The following BRIP1 variants were observed in gnomAD, a reference collection of about 807,000 sequenced individuals.
BRIP1 encodes BRCA1 interacting DNA helicase 1, also known as Fanconi anemia group J protein.
A neutral mutation model predicts 119.7 loss-of-function variants in BRIP1; 88 were observed. That is an observed-to-expected ratio of 0.74 (90% confidence interval 0.62 to 0.88). The LOEUF (loss-of-function observed/expected upper bound fraction) is 0.88, where lower values mean the gene tolerates loss of function less well. BRIP1 is among the 40% of genes least tolerant of loss of function. The pLI, the probability that BRIP1 is intolerant of heterozygous loss-of-function variation, is 0.00. For synonymous variants in BRIP1, 443 were observed against 496.5 expected (o/e 0.89, Z 1.43); for missense variants, 1,259 against 1,455.4 (o/e 0.87, Z 2.20).
rs16945628 is a variant in BRIP1 at position 61,789,868 on chromosome 17, T to C, written c.1473+3729A>G. 0.6 allele frequency among the ~76,000 whole-genome samples: 90,834 copies of C among 151,518 alleles called. 28,183 individuals are homozygous for C. Among genetic ancestry groups the C allele is most frequent in the Non-Finnish European group, 0.69 (46,574 of 67,976 alleles). On this transcript the variant is annotated intron_variant, in intron 10 of 19. Coordinates refer to ENST00000259008, the MANE Select transcript of BRIP1 (RefSeq NM_032043.3). The surrounding 1 kb of genome is among the most constrained non-coding windows in gnomAD (Gnocchi z 4.8). Reference sequence around the variant, plus strand: ...TAAATCACAATGTTCACAATGTTCATCTTTGAGTTTATGAGTCATTTTTCT... The same window carrying C: ...TAAATCACAATGTTCACAATGTTCACCTTTGAGTTTATGAGTCATTTTTCT...
In BRIP1 at chr17:61,794,136, A is replaced by G. The variant is rs530286633; in HGVS notation, c.1341-407T>C. On this transcript the variant is annotated intron_variant, in intron 9 of 19. Coordinates refer to ENST00000259008, the MANE Select transcript of BRIP1 (RefSeq NM_032043.3). This position sits in a 1 kb window ranked among gnomAD's most constrained non-coding sequence, Gnocchi z 4.3. ...ACAAAAAAGAGAATTACTAGAAAAT[A>G]TATAAATACATTCATTGATATATAT... Among the ~76,000 whole-genome samples, 1 of 152,334 alleles carries G rather than the reference A, an allele frequency of 6.6e-6. No homozygotes were observed. Among genetic ancestry groups the G allele is most frequent in the East Asian group, 1.9e-4 (1 of 5,192 alleles).
rs1227548323 is a variant in BRIP1, at chr17:61,726,464, C to T, written c.2380-10401G>A. Among the ~76,000 whole-genome samples, 3 of 152,162 alleles carry T rather than the reference C, an allele frequency of 2.0e-5. No individual in the cohort carries two copies. The highest frequency in any genetic ancestry group is 7.2e-5 in the African/African-American group (3 of 41,434). On this transcript the variant is annotated intron_variant, in intron 16 of 19. Coordinates refer to ENST00000259008, the MANE Select transcript of BRIP1 (RefSeq NM_032043.3). The surrounding 1 kb of genome is among the most constrained non-coding windows in gnomAD (Gnocchi z 6.2). ...CATAAGGCTGTGGAGGCCATATAGT[C>T]ATTACCTTAGTCAGTTCACCCCAAA... is the stretch of plus-strand genomic sequence containing the variant.
Position 61,729,908 on chromosome 17 carries a change from T to C in BRIP1, c.2379+13105A>G, listed in dbSNP as rs1452192091. ...CTACCGGCATCTAGTGGGTAAATGC[T>C]AGAGATGCTGTTAAACATCCTGGAA... On this transcript the variant is annotated intron_variant, in intron 16 of 19. Transcript: ENST00000259008. The surrounding 1 kb of genome is among the most constrained non-coding windows in gnomAD (Gnocchi z 5.6). 6.6e-6 allele frequency among the ~76,000 whole-genome samples: 1 copy of C among 152,094 alleles called. No homozygotes were observed. The highest frequency in any genetic ancestry group is 1.5e-5 in the Non-Finnish European group (1 of 68,014).
chr17:61,859,975 G>A, intron 2 of BRIP1, 68 bp from the exon 3 acceptor site: 8 of 1,102,268 alleles, frequency 7.3e-6, no homozygotes, highest in Non-Finnish European at 9.6e-6. Flanking sequence ...TCCATCTGAA[G>A]TTTAAATAGA....
Position 61,687,838 on chromosome 17 carries a change from G to A in BRIP1, c.2576-1673C>T, listed in dbSNP as rs982025853. Among the ~76,000 whole-genome samples the A allele has an allele frequency of 5.3e-5, 8 of 152,166 alleles. No homozygotes were observed. Among genetic ancestry groups the A allele is most frequent in the Non-Finnish European group, 1.0e-4 (7 of 68,024 alleles). On this transcript the variant is annotated intron_variant, in intron 18 of 19. Transcript: ENST00000259008. This position sits in a 1 kb window ranked among gnomAD's most constrained non-coding sequence, Gnocchi z 5.1. ...ATATACCTGGCTGCTTCTTCCTGGG[G>A]AGAAAAGAGAAAACTGGACCTTATG...
At position 61,752,228 on chromosome 17, in the gene BRIP1, G is replaced by C. The variant is rs1163976610; in HGVS notation, c.2098-7637C>G. On this transcript the variant is annotated intron_variant, in intron 14 of 19. Coordinates refer to ENST00000259008, the MANE Select transcript of BRIP1 (RefSeq NM_032043.3). The surrounding 1 kb of genome is among the most constrained non-coding windows in gnomAD (Gnocchi z 6.2). ...AAAATATAAAAATTAAACAACATTAGTCTGATTATTAATATGATGAGTTAG... is the reference window on the plus strand; with the variant it reads ...AAAATATAAAAATTAAACAACATTACTCTGATTATTAATATGATGAGTTAG... 3.9e-5 allele frequency among the ~76,000 whole-genome samples: 6 copies of C among 152,020 alleles called. No individual in the cohort carries two copies. Among genetic ancestry groups the C allele is most frequent in the African/African-American group, 7.3e-5 (3 of 41,376 alleles).
intron 17 of BRIP1, among the ~76,000 whole-genome samples, chr17:61,711,955 AGTT>A (rs2061784019): frequency 1.3e-5 from 2 of 152,038 alleles, no homozygotes; most frequent in African/African-American, 4.8e-5. Flanking sequence ...GCTTAAATCT[AGTT>A]GTTGTAGTCT....
intron 16 of BRIP1, among the ~76,000 whole-genome samples, chr17:61,721,989 A>G (rs924730666): frequency 6.6e-6 from 1 of 151,412 alleles, no homozygotes. Flanking sequence ...TCAACCTCCC[A>G]AAGTGCTGGG....
chr17:61,763,671 A>C (rs1302884441), intron 14 of BRIP1, among the ~76,000 whole-genome samples: 2 of 152,214 alleles, frequency 1.3e-5, no homozygotes, highest in South Asian at 4.1e-4. Flanking sequence ...ACTTTTCAAA[A>C]ATGCAATAAC....
At chr17:61,788,211 T>A (rs972237722) in intron 10 of BRIP1, among the ~76,000 whole-genome samples, 2 of 152,150 alleles carry the variant, frequency 1.3e-5, no homozygotes, top group Non-Finnish European at 2.9e-5. Context: ...ATTAAAAATG[T>A]AATTTTAAAA....
intron 17 of BRIP1, among the ~76,000 whole-genome samples, chr17:61,707,345 G>A (rs2061705619): frequency 6.6e-6 from 1 of 151,920 alleles, no homozygotes; most frequent in Admixed American, 6.6e-5. Flanking sequence ...TTTATCCCCG[G>A]TACTTGGAAA....
In BRIP1 at chr17:61,762,237, A is replaced by T. The variant is rs553990156; in HGVS notation, c.2097+14164T>A. On this transcript the variant is annotated intron_variant, in intron 14 of 19. Coordinates refer to ENST00000259008, the MANE Select transcript of BRIP1 (RefSeq NM_032043.3). The surrounding 1 kb of genome is among the most constrained non-coding windows in gnomAD (Gnocchi z 4.3). ...AATGGACCCTTATCTCACAATATTT[A>T]AAAAAAAACTCAAAATGAATTAAAG... Among the ~76,000 whole-genome samples the T allele has an allele frequency of 1.5e-4, 22 of 151,570 alleles. No individual in the cohort carries two copies. In the East Asian group the frequency reaches 2.1e-3, roughly 15 times the overall value.
intron 4 of BRIP1, among the ~76,000 whole-genome samples, chr17:61,849,534 A>G (rs985588292): frequency 6.6e-6 from 1 of 152,244 alleles, no homozygotes; most frequent in Non-Finnish European, 1.5e-5. Context: ...TTTAAAATGT[A>G]TAACTGCAAG....
rs1042442627 is a variant in BRIP1, at chr17:61,834,650, T to G, written c.627+12451A>C. On this transcript the variant is annotated intron_variant, in intron 6 of 19. Transcript: ENST00000259008. The surrounding 1 kb of genome is among the most constrained non-coding windows in gnomAD (Gnocchi z 4.4). ...TTGGTGACTGGAACATTAGCAAACC[T>G]GACACAAACAGACTCAAAAGGCATT... 6.6e-6 allele frequency among the ~76,000 whole-genome samples: 1 copy of G among 152,140 alleles called. No homozygotes were observed. The highest frequency in any genetic ancestry group is 2.4e-5 in the African/African-American group (1 of 41,416).
chr17:61,750,427 T>A (rs1324986870), intron 14 of BRIP1, among the ~76,000 whole-genome samples: 2 of 151,968 alleles, frequency 1.3e-5, no homozygotes, highest in African/African-American at 4.8e-5. Flanking sequence ...AAGAAAAAAA[T>A]AGAAGGCTTT....
chr17:61,859,914 A>T lies in BRIP1; in HGVS notation c.94-7T>A. On this transcript the variant is annotated splice_polypyrimidine_tract_variant and splice_region_variant and intron_variant, in intron 2 of 19. Coordinates refer to ENST00000259008, the MANE Select transcript of BRIP1 (RefSeq NM_032043.3). ...TGTTTAATCCTCTGAGAATCTATGA[A>T]CACAGAAACCAATGAAAATAATAAA... The T allele has an allele frequency of 6.4e-7, 1 of 1,560,844 alleles. No homozygotes were observed.
In BRIP1 at chr17:61,686,222, A is replaced by T; in HGVS notation, c.2576-57T>A. ...GGTTACTTAGTTATTAAAATATTAC[A>T]TGCTAAGGTAATACACTTGCTTTTT... is the stretch of plus-strand genomic sequence containing the variant. On this transcript the variant is annotated intron_variant, in intron 18 of 19. Transcript: ENST00000259008. The surrounding 1 kb of genome is among the most constrained non-coding windows in gnomAD (Gnocchi z 5.4). 2.8e-6 allele frequency: 4 copies of T among 1,443,860 alleles called. No homozygotes were observed. In the South Asian group the frequency reaches 3.4e-5, roughly 12 times the overall value. 89.4% of individuals were successfully genotyped at this position (1,443,860 alleles called of 1,614,324 possible).
At chr17:61,782,365 G>A (rs528434256) in intron 11 of BRIP1, among the ~76,000 whole-genome samples, 1 of 127,928 alleles carries the variant, frequency 7.8e-6, no homozygotes, top group African/African-American at 3.0e-5. Context: ...CAACCTGGGT[G>A]ACAGAGCGAG....
chr17:61,759,786 T>TTTAAAATACTTTTTTTAGCA lies in BRIP1; in HGVS notation c.2098-15196_2098-15195insTGCTAAAAAAAGTATTTTAA, dbSNP rs1312557146. Reference sequence around the variant, plus strand: ...CCTTAATTTTAAAATACTTTATTGCTAAAAAAATGCTGACACAGAGACATG... The same window carrying TTTAAAATACTTTTTTTAGCA: ...CCTTAATTTTAAAATACTTTATTGCTTTAAAATACTTTTTTTAGCAAAAAAAATGCTGACACAGAGACATG... On this transcript the variant is annotated intron_variant, in intron 14 of 19. Transcript: ENST00000259008. The surrounding 1 kb of genome is among the most constrained non-coding windows in gnomAD (Gnocchi z 4.9). 6.6e-6 allele frequency among the ~76,000 whole-genome samples: 1 copy of TTTAAAATACTTTTTTTAGCA among 151,348 alleles called. No homozygotes were observed. Among genetic ancestry groups the TTTAAAATACTTTTTTTAGCA allele is most frequent in the Non-Finnish European group, 1.5e-5 (1 of 67,846 alleles).
Sources: allele counts gnomAD v4.1 joint callset (sites outside exome capture counted in the v4.1 genomes callset), GRCh38; gene constraint gnomAD v4.1.1; non-coding constraint Gnocchi (gnomAD v3.1); transcripts MANE v1.5; gene names NCBI Gene and HGNC (gene_info 2026-07-23, HGNC 2026-07-21).